Variants in ERG observed in about 807,000 individuals in gnomAD.
ERG encodes the protein transcriptional regulator ERG.
Under a neutral mutation model 55.3 loss-of-function variants are expected in ERG, and 9 were observed. That is an observed-to-expected ratio of 0.16 (90% confidence interval 0.10 to 0.28). ERG has a LOEUF of 0.28. ERG is among the 10% of genes least tolerant of loss of function. The pLI, the probability that ERG is intolerant of heterozygous loss-of-function variation, is 1.00. For missense variants in ERG, 434 were observed against 631.6 expected (o/e 0.69, Z 3.35); for synonymous variants, 223 against 237.3 (o/e 0.94, Z 0.55).
chr21:38,548,849 G>A (rs537997920), intron 2 of ERG, among the ~76,000 whole-genome samples: 6 of 150,430 alleles, frequency 4.0e-5, no homozygotes, highest in East Asian at 4.1e-4. Flanking sequence ...AGTGGCTCAC[G>A]CCTGTAATCC....
intron 1 of ERG, among the ~76,000 whole-genome samples, chr21:38,606,031 G>A (rs1439946777): frequency 6.6e-6 from 1 of 151,974 alleles, no homozygotes; most frequent in African/African-American, 2.4e-5. Context: ...ACAGATGATT[G>A]ATAGATGATA....
chr21:38,619,920 A>G (rs189633384), intron 1 of ERG, among the ~76,000 whole-genome samples: 1 of 152,244 alleles, frequency 6.6e-6, no homozygotes, highest in African/African-American at 2.4e-5. Context: ...AGAAAAGAAG[A>G]TACTTGACAA....
chr21:38,611,938 C>T (rs1051076966), intron 1 of ERG, among the ~76,000 whole-genome samples: 11 of 151,500 alleles, frequency 7.3e-5, no homozygotes, highest in African/African-American at 2.4e-4. Flanking sequence ...GGAAAAAAAG[C>T]GGGGGGTTCA....
chr21:38,434,470 C>T (rs1000769002), intron 2 of ERG, among the ~76,000 whole-genome samples: 2 of 152,282 alleles, frequency 1.3e-5, no homozygotes, highest in Admixed American at 6.5e-5. Flanking sequence ...TTTCCTGGGC[C>T]GCCAGAGAGG....
At chr21:38,370,271 A>G in the ERG span, among the ~76,000 whole-genome samples, 2 of 152,038 alleles carry the variant, frequency 1.3e-5, no homozygotes, top group Non-Finnish European at 2.9e-5. Flanking sequence ...ATTCTTTTGC[A>G]TATTTCCCAC....
At chr21:38,514,312 A>C (rs1179310159) in intron 2 of ERG, among the ~76,000 whole-genome samples, 2 of 151,878 alleles carry the variant, frequency 1.3e-5, no homozygotes, top group Non-Finnish European at 2.9e-5. Context: ...AAAATTATTT[A>C]AAAAGGAAAA....
chr21:38,451,754 C>T (rs1285618429), intron 1 of ERG, among the ~76,000 whole-genome samples: 1 of 152,206 alleles, frequency 6.6e-6, no homozygotes, highest in Non-Finnish European at 1.5e-5. Context: ...GACAAAGATA[C>T]TCCAGTCCTT....
intron 3 of ERG, among the ~76,000 whole-genome samples, chr21:38,411,800 G>A (rs954884290): frequency 2.6e-5 from 4 of 152,122 alleles, no homozygotes; most frequent in African/African-American, 9.7e-5. Flanking sequence ...ACTGAGAAAT[G>A]CAAATTAAAA....
intron 2 of ERG, among the ~76,000 whole-genome samples, chr21:38,558,796 A>G (rs2059874189): frequency 6.6e-6 from 1 of 152,254 alleles, no homozygotes; most frequent in Non-Finnish European, 1.5e-5. Context: ...AATGAACCAA[A>G]AACACTTAAA....
rs968135738 is a variant in ERG, at chr21:38,443,446, G to A, written c.236+1958C>T. Among the ~76,000 whole-genome samples the A allele has an allele frequency of 3.3e-5, 5 of 152,248 alleles. No homozygotes were observed. In the East Asian group the frequency reaches 5.8e-4, roughly 18 times the overall value. ...AATGTGTCCCGGTCTTAGTGTCTCC[G>A]CCGTGATCACGCTGGCATATATGGG... On this transcript the variant is annotated intron_variant, in intron 2 of 9. Transcript: ENST00000288319.
In ERG at chr21:38,547,509, G is replaced by A. The variant is rs549693268; in HGVS notation, c.-41+28153C>T. ...GACACCTGGGAGAGATTTATTTAAT[G>A]GTAAAGCAAGGAAAGGAAAAGATGA... On this transcript the variant is annotated intron_variant, in intron 2 of 8. Coordinates refer to the ERG transcript ENST00000398897. 3.3e-5 allele frequency among the ~76,000 whole-genome samples: 5 copies of A among 152,168 alleles called. No individual in the cohort carries two copies. In the South Asian group the frequency reaches 1.0e-3, roughly 32 times the overall value.
chr21:38,587,835 A>G (rs1377269339), upstream of ERG, among the ~76,000 whole-genome samples: 1 of 152,240 alleles, frequency 6.6e-6, no homozygotes, highest in Non-Finnish European at 1.5e-5. Context: ...GCTATTCTAT[A>G]GTAGGTTTTT....
chr21:38,516,045 G>A (rs920497035), intron 2 of ERG, among the ~76,000 whole-genome samples: 25 of 151,888 alleles, frequency 1.6e-4, no homozygotes, highest in Admixed American at 8.5e-4. Flanking sequence ...GGGGAAAGGC[G>A]GAAAGTCTCT....
chr21:38,433,815 T>C (rs780903328), intron 2 of ERG, among the ~76,000 whole-genome samples: 4 of 152,182 alleles, frequency 2.6e-5, no homozygotes, highest in African/African-American at 7.2e-5. Context: ...CAGAATGTAA[T>C]TGCGGAAATC....
upstream of ERG, among the ~76,000 whole-genome samples, chr21:38,587,005 G>A (rs2060069782): frequency 6.6e-6 from 1 of 152,148 alleles, no homozygotes; most frequent in Admixed American, 6.5e-5. Flanking sequence ...CAAACCTGGA[G>A]AACTTTATGC....
intron 1 of ERG, among the ~76,000 whole-genome samples, chr21:38,457,491 T>C (rs1358937866): frequency 6.6e-6 from 1 of 151,622 alleles, no homozygotes; most frequent in Non-Finnish European, 1.5e-5. Flanking sequence ...GTCATTCATA[T>C]CCAAACCATC....
chr21:38,400,723 T>C (rs929571148), intron 5 of ERG, 78 bp from the exon 6 acceptor site: 1 of 1,135,852 alleles, frequency 8.8e-7, no homozygotes, highest in Non-Finnish European at 1.3e-6. Context: ...CCAAATCTAC[T>C]TTTCCCTATG....
At chr21:38,603,506 C>A (rs536601184) in intron 1 of ERG, among the ~76,000 whole-genome samples, 26 of 152,008 alleles carry the variant, frequency 1.7e-4, no homozygotes, top group Non-Finnish European at 3.1e-4. Flanking sequence ...TGTAGTCATT[C>A]TTTGCAGTTC....
intron 1 of ERG, among the ~76,000 whole-genome samples, chr21:38,480,775 TG>T (rs1408340070): frequency 6.6e-6 from 1 of 152,070 alleles, no homozygotes; most frequent in Non-Finnish European, 1.5e-5. Flanking sequence ...CCCTAATTTT[TG>T]TGATTAGGAA....
Sources: allele counts gnomAD v4.1 joint callset (sites outside exome capture counted in the v4.1 genomes callset), GRCh38; gene constraint gnomAD v4.1.1; transcripts MANE v1.5; gene names NCBI Gene and HGNC (gene_info 2026-07-23, HGNC 2026-07-21).